Variants in CHD6 observed in about 807,000 individuals in gnomAD.
CHD6 encodes the protein ATP-dependent chromatin remodeler CHD6.
In CHD6, 50 loss-of-function variants were observed where a neutral mutation model predicts 276.9. That is an observed-to-expected ratio of 0.18 (90% confidence interval 0.14 to 0.23). The LOEUF is 0.23. Among genes scored for constraint, CHD6 ranks in the 10% least tolerant of loss-of-function variants. CHD6 has a pLI of 1.00. For missense variants in CHD6, 2,564 were observed against 3,365.8 expected, an observed-to-expected ratio of 0.76 and a Z score of 5.89; for synonymous variants, 1,173 against 1,229.3, an observed-to-expected ratio of 0.95 and a Z score of 0.96.
At chr20:41,586,797 T>G (rs1428648190) in intron 1 of CHD6, among the ~76,000 whole-genome samples, 6 of 152,104 alleles carry the variant, frequency 3.9e-5, no homozygotes, top group African/African-American at 1.2e-4. Context: ...TGATAAAAAC[T>G]CTCAGCAAAT....
intron 29 of CHD6, 94 bp from the exon 30 acceptor site, chr20:41,423,794 GT>G (rs2047274878): frequency 1.0e-6 from 1 of 957,742 alleles, no homozygotes; most frequent in Non-Finnish European, 1.6e-6. Flanking sequence ...AGCCCATAAA[GT>G]CAAGAAAGGA....
At chr20:41,545,335 G>A (rs551197606) in intron 2 of CHD6, among the ~76,000 whole-genome samples, 64 of 152,136 alleles carry the variant, frequency 4.2e-4, no homozygotes, top group Non-Finnish European at 5.3e-4. Flanking sequence ...TAAGAATAAT[G>A]AAAAAAATAT....
At chr20:41,453,338 A>T (rs1569095308) in intron 20 of CHD6, among the ~76,000 whole-genome samples, 1 of 152,228 alleles carries the variant, frequency 6.6e-6, no homozygotes, top group Admixed American at 6.5e-5. Context: ...AGACAAGACA[A>T]GCTAGAGAAT....
chr20:41,505,156 TTA>T (rs2145927223), intron 5 of CHD6, among the ~76,000 whole-genome samples: 1 of 152,318 alleles, frequency 6.6e-6, no homozygotes, highest in African/African-American at 2.4e-5. Flanking sequence ...GCTTAGTATT[TTA>T]GTCTTCTACC....
chr20:41,455,245 T>TCACAAAGCTCA (rs2048347223), intron 19 of CHD6, among the ~76,000 whole-genome samples: 1 of 152,162 alleles, frequency 6.6e-6, no homozygotes, highest in African/African-American at 2.4e-5. Context: ...ATCAAACAGG[T>TCACAAAGCTCA]CACAAAGCTC....
intron 2 of CHD6, among the ~76,000 whole-genome samples, chr20:41,538,416 AC>A (rs2085072761): frequency 6.6e-6 from 1 of 152,206 alleles, no homozygotes; most frequent in Non-Finnish European, 1.5e-5. Context: ...CCATGGATAG[AC>A]CTTGAAAACA....
At chr20:41,533,954 A>C (rs1169980614) in intron 2 of CHD6, among the ~76,000 whole-genome samples, 4 of 152,228 alleles carry the variant, frequency 2.6e-5, no homozygotes, top group Admixed American at 2.6e-4. Flanking sequence ...ATGCCATTAG[A>C]AAGGATGTGT....
intron 1 of CHD6, among the ~76,000 whole-genome samples, chr20:41,562,197 T>A (rs905235534): frequency 1.3e-5 from 2 of 152,202 alleles, no homozygotes; most frequent in African/African-American, 2.4e-5. Context: ...ATAGCTAATA[T>A]GTTTTTAACA....
chr20:41,598,839 G>A lies in CHD6; in HGVS notation c.-24+19501C>T, dbSNP rs2045745461. On this transcript the variant is annotated intron_variant, in intron 1 of 36. Transcript: ENST00000373233. ...GGTGGTACTGTGGTGGACCACTATT[G>A]GGTACTCTGCCAAATAAGTGGGGCA... 3.3e-5 allele frequency among the ~76,000 whole-genome samples: 5 copies of A among 152,070 alleles called. No individual in the cohort carries two copies. The South Asian group carries it at 1.0e-3, about 32-fold the overall frequency.
chr20:41,586,742 A>G (rs1352854257), intron 1 of CHD6, among the ~76,000 whole-genome samples: 1 of 152,238 alleles, frequency 6.6e-6, no homozygotes, highest in Non-Finnish European at 1.5e-5. Flanking sequence ...CCCCATGGTC[A>G]TCGTGATACA....
At chr20:41,445,638 A>C (rs1033082186) in intron 25 of CHD6, 27 bp downstream of exon 25, 1 of 1,493,906 alleles carries the variant, frequency 6.7e-7, no homozygotes. Flanking sequence ...CTGATACAGA[A>C]GGGAACGCCT....
chr20:41,432,878 T>C (rs920951226), intron 27 of CHD6, among the ~76,000 whole-genome samples: 4 of 152,106 alleles, frequency 2.6e-5, no homozygotes, highest in African/African-American at 9.7e-5. Flanking sequence ...ACAGAAAGTT[T>C]CAGCAAAGAA....
In CHD6 at chr20:41,420,906, T is replaced by C. The variant is rs2047167407; in HGVS notation, c.5729A>G (p.Asp1910Gly). 1.9e-6 allele frequency: 3 copies of C among 1,614,234 alleles called. No individual in the cohort carries two copies. Among genetic ancestry groups the C allele is most frequent in the Non-Finnish European group, 2.5e-6 (3 of 1,180,044 alleles). Reference protein sequence around the residue: ...ISREKNQGFQDETKKGSLEVA... With the variant: ...ISREKNQGFQGETKKGSLEVA... ...CTCTAAGCTTCCTTTCTTGGTTTCATCTTGGAAGCCTTGGTTCTTTTCCCT... is the reference window on the plus strand; with the variant it reads ...CTCTAAGCTTCCTTTCTTGGTTTCACCTTGGAAGCCTTGGTTCTTTTCCCT... The change falls in exon 31 of 37, where the codon GAT (aspartate) becomes GGT (glycine). Residue 1910 changes from aspartate (D) to glycine (G), a missense_variant. Physicochemically the swap from Asp to Gly is moderately conservative, Grantham distance 94. Coordinates refer to ENST00000373233, the MANE Select transcript of CHD6 (RefSeq NM_032221.5).
At chr20:41,580,680 A>C (rs2045528211) in intron 1 of CHD6, among the ~76,000 whole-genome samples, 1 of 151,602 alleles carries the variant, frequency 6.6e-6, no homozygotes, top group Admixed American at 6.6e-5. Context: ...ACAACAAAAA[A>C]TACATCTATT....
At chr20:41,483,220 T>A in intron 16 of CHD6, 89 bp downstream of exon 16, 2 of 1,241,056 alleles carry the variant, frequency 1.6e-6, no homozygotes, top group Non-Finnish European at 2.2e-6. Flanking sequence ...ATGTTTTGTG[T>A]TTAAACAAAA....
chr20:41,410,160 T>C (rs1007975060), intron 36 of CHD6, among the ~76,000 whole-genome samples: 1 of 152,192 alleles, frequency 6.6e-6, no homozygotes, highest in Non-Finnish European at 1.5e-5. Flanking sequence ...CCGCTATAAA[T>C]GTTTCAAATT....
At chr20:41,586,850 A>G (rs1181011951) in intron 1 of CHD6, among the ~76,000 whole-genome samples, 1 of 152,260 alleles carries the variant, frequency 6.6e-6, no homozygotes, top group Non-Finnish European at 1.5e-5. Flanking sequence ...AAAGGCATTG[A>G]CAAAAAACGT....
Position 41,488,609 on chromosome 20 carries a change from G to T in CHD6, c.1681-5C>A. On this transcript the variant is annotated splice_polypyrimidine_tract_variant and splice_region_variant and intron_variant, in intron 12 of 36. Transcript: ENST00000373233. Reference sequence around the variant, plus strand: ...GACTCCTGAAAGGGGGTTTCCCTGAGGATGACACAACCAAAGTCAAAGCTT... The same window carrying T: ...GACTCCTGAAAGGGGGTTTCCCTGATGATGACACAACCAAAGTCAAAGCTT... The T allele has an allele frequency of 6.2e-7, 1 of 1,611,154 alleles. No individual in the cohort carries two copies.
chr20:41,519,325 G>T (rs1270954863), intron 3 of CHD6, among the ~76,000 whole-genome samples: 1 of 152,026 alleles, frequency 6.6e-6, no homozygotes, highest in Non-Finnish European at 1.5e-5. Context: ...TGGATAAACA[G>T]GATCTAACAA....
Sources: allele counts gnomAD v4.1 joint callset (sites outside exome capture counted in the v4.1 genomes callset), GRCh38; gene constraint gnomAD v4.1.1; transcripts MANE v1.5; gene names NCBI Gene and HGNC (gene_info 2026-07-23, HGNC 2026-07-21).